The following NECAB1 variants were observed in gnomAD, a reference collection of about 807,000 sequenced individuals.
NECAB1 encodes N-terminal EF-hand calcium binding protein 1.
Under a neutral mutation model 57.5 loss-of-function variants are expected in NECAB1, and 29 were observed. The ratio of observed to expected loss-of-function variants is 0.50; its 90% CI spans 0.38 to 0.69. NECAB1 has a LOEUF of 0.69. Ranked by LOEUF, NECAB1 falls within the 30% of genes least tolerant of loss-of-function variation. NECAB1 has a pLI of 0.00. For missense variants in NECAB1, 372 were observed against 413.8 expected (o/e 0.90, Z 0.88); for synonymous variants, 142 against 147.7 (o/e 0.96, Z 0.28).
At chr8:90,901,353 C>T (rs1408781803) in intron 5 of NECAB1, among the ~76,000 whole-genome samples, 1 of 151,966 alleles carries the variant, frequency 6.6e-6, no homozygotes, top group Non-Finnish European at 1.5e-5. Context: ...AAAAGCTTTC[C>T]TTCCAGCGGT....
At chr8:90,880,969 A>AT (rs1242312411) in intron 4 of NECAB1, 64 bp from the exon 5 acceptor site, 14 of 1,221,576 alleles carry the variant, frequency 1.1e-5, no homozygotes, top group East Asian at 7.7e-5. Flanking sequence ...TAATTAGTTG[A>AT]TTTTTTTGTT....
chr8:90,816,431 C>A lies in NECAB1; in HGVS notation c.125-8286C>A, dbSNP rs73692705. On this transcript the variant is annotated intron_variant, in intron 2 of 12. Transcript: ENST00000417640. ...AAGCTCATCATTCAAATCACGGTCACTTAGATTTTCTCCTAATTTTTAATT... is the reference window on the plus strand; with the variant it reads ...AAGCTCATCATTCAAATCACGGTCAATTAGATTTTCTCCTAATTTTTAATT... 9.9e-3 allele frequency among the ~76,000 whole-genome samples: 1,499 copies of A among 151,860 alleles called. 24 individuals are homozygous for A. Among genetic ancestry groups the A allele is most frequent in the African/African-American group, 0.034 (1,392 of 41,522 alleles).
At chr8:90,811,231 G>A (rs1419426352) in intron 2 of NECAB1, among the ~76,000 whole-genome samples, 1 of 152,174 alleles carries the variant, frequency 6.6e-6, no homozygotes, top group Non-Finnish European at 1.5e-5. Context: ...GATTACAGGC[G>A]TGAGCCACTG....
At chr8:90,812,129 A>T (rs1409905959) in intron 2 of NECAB1, among the ~76,000 whole-genome samples, 1 of 152,232 alleles carries the variant, frequency 6.6e-6, no homozygotes, top group Non-Finnish European at 1.5e-5. Context: ...GTGATTATCC[A>T]GTGAGAATGC....
intron 2 of NECAB1, among the ~76,000 whole-genome samples, chr8:90,803,093 C>T (rs1811788616): frequency 6.6e-6 from 1 of 152,120 alleles, no homozygotes; most frequent in Non-Finnish European, 1.5e-5. Context: ...GACAGTGTTT[C>T]ACCATGTTGG....
chr8:90,808,560 G>A (rs10504902), intron 2 of NECAB1, among the ~76,000 whole-genome samples: 17,407 of 151,542 alleles, frequency 0.11, 1,574 homozygotes, highest in African/African-American at 0.25. Context: ...AGAAACTCTT[G>A]GAAAGGTGCC....
intron 2 of NECAB1, among the ~76,000 whole-genome samples, chr8:90,814,394 T>A (rs1284286924): frequency 2.6e-5 from 4 of 152,182 alleles, no homozygotes; most frequent in Non-Finnish European, 5.9e-5. Flanking sequence ...CCTCTTTTCA[T>A]ACTTTACTCT....
chr8:90,917,870 A>ATATATATATATATATATG lies in NECAB1; in HGVS notation c.494+243_494+244insATATATATATATATATGT, dbSNP rs1554575432. On this transcript the variant is annotated intron_variant, in intron 6 of 12. Transcript: ENST00000417640. Reference sequence around the variant, plus strand: ...TATATATATATATATATATATATATATGTGTGTGTGTGCGTGTATATATAT... The same window carrying ATATATATATATATATATG: ...TATATATATATATATATATATATATATATATATATATATATATGTGTGTGTGTGTGCGTGTATATATAT... Among the ~76,000 whole-genome samples, 416 of 64,188 alleles carry ATATATATATATATATATG rather than the reference A, an allele frequency of 6.5e-3. 6 individuals carry two copies. The highest frequency in any genetic ancestry group is 0.028 in the Middle Eastern group (3 of 106). The allele number at this position is 64,188 out of a possible 152,430, so 42.1% of individuals were successfully genotyped here. A position where few individuals can be genotyped will look rare whatever the true frequency, so the allele number is the denominator to read the frequency against.
chr8:90,916,822 C>G (rs1180955701), intron 5 of NECAB1, among the ~76,000 whole-genome samples: 1 of 152,092 alleles, frequency 6.6e-6, no homozygotes, highest in Non-Finnish European at 1.5e-5. Context: ...CTGCAGTGAC[C>G]CTGGGGCTGT....
intron 1 of NECAB1, among the ~76,000 whole-genome samples, chr8:90,795,708 T>TCTCTCA (rs551150301): frequency 0.027 from 4,033 of 147,778 alleles, 76 homozygotes; most frequent in East Asian, 0.11. Context: ...CTCATCTCTC[T>TCTCTCA]CACACACACA....
intron 5 of NECAB1, among the ~76,000 whole-genome samples, chr8:90,885,448 C>T (rs958190823): frequency 2.6e-5 from 4 of 152,144 alleles, no homozygotes; most frequent in Admixed American, 6.5e-5. Context: ...CTAGGGCTTC[C>T]GTGGCTATGA....
At chr8:90,841,861 G>T (rs958956278) in intron 3 of NECAB1, among the ~76,000 whole-genome samples, 2 of 152,200 alleles carry the variant, frequency 1.3e-5, no homozygotes, top group Non-Finnish European at 2.9e-5. Context: ...AAATTTGGAG[G>T]CTTTAACAGT....
intron 8 of NECAB1, among the ~76,000 whole-genome samples, chr8:90,929,662 G>T (rs1209312123): frequency 1.3e-5 from 2 of 152,154 alleles, no homozygotes; most frequent in African/African-American, 4.8e-5. Context: ...AACAATCCCA[G>T]AGCACAGTAC....
chr8:90,843,412 C>A (rs1012360047), intron 3 of NECAB1, among the ~76,000 whole-genome samples: 1 of 152,174 alleles, frequency 6.6e-6, no homozygotes, highest in African/African-American at 2.4e-5. Flanking sequence ...AGAGAAGGAT[C>A]TTTTTATGCT....
At position 90,824,747 on chromosome 8, in the gene NECAB1, A is replaced by G. The variant is rs1812195770; in HGVS notation, c.155A>G (p.Lys52Arg). ...GGAAAATTATCCTTTGAAGAATTCA[A>G]AGCATATTTTGCAGATGGTGTTCTC... is the stretch of plus-strand genomic sequence containing the variant. The part of the protein sequence containing the change: ...DDGKLSFEEF[K>R]AYFADGVLSG... Residue 52 changes from lysine to arginine, a missense_variant, in exon 3 of 13, where the codon AAA becomes AGA. By Grantham distance (26) the Lys-to-Arg change is conservative. Coordinates refer to ENST00000417640, the MANE Select transcript of NECAB1 (RefSeq NM_022351.5). 8 of 1,550,704 alleles carry G rather than the reference A, an allele frequency of 5.2e-6. No individual in the cohort carries two copies. Among genetic ancestry groups the G allele is most frequent in the Non-Finnish European group, 7.0e-6 (8 of 1,145,286 alleles).
intron 3 of NECAB1, among the ~76,000 whole-genome samples, chr8:90,830,563 G>A (rs896628587): frequency 5.3e-5 from 8 of 152,106 alleles, no homozygotes; most frequent in African/African-American, 1.4e-4. Context: ...TGTGCTCCAG[G>A]TATTCAGACA....
At chr8:90,828,629 AT>A (rs1812260108) in intron 3 of NECAB1, among the ~76,000 whole-genome samples, 1 of 152,052 alleles carries the variant, frequency 6.6e-6, no homozygotes, top group Admixed American at 6.6e-5. Context: ...AGTAAGAGAA[AT>A]TTGAAGGCAT....
intron 8 of NECAB1, among the ~76,000 whole-genome samples, chr8:90,930,160 AGAG>A (rs999708886): frequency 1.3e-5 from 2 of 152,214 alleles, no homozygotes; most frequent in African/African-American, 4.8e-5. Flanking sequence ...ATGGCATTGA[AGAG>A]GAGGTTTGTG....
intron 10 of NECAB1, among the ~76,000 whole-genome samples, chr8:90,948,368 A>G (rs1810854744): frequency 6.6e-6 from 1 of 152,128 alleles, no homozygotes. Context: ...TTGCTGCATC[A>G]TACCTTAATG....
Sources: allele counts gnomAD v4.1 joint callset (sites outside exome capture counted in the v4.1 genomes callset), GRCh38; gene constraint gnomAD v4.1.1; transcripts MANE v1.5; gene names NCBI Gene and HGNC (gene_info 2026-07-23, HGNC 2026-07-21).